The following FAM13B variants were observed in gnomAD, a reference collection of about 807,000 sequenced individuals.
The protein encoded by FAM13B is protein FAM13B.
Under a neutral mutation model 117.3 loss-of-function variants are expected in FAM13B, and 60 were observed. The observed-to-expected ratio is 0.51, with a 90% CI of 0.42 to 0.63. FAM13B has a LOEUF of 0.63. FAM13B is among the 30% of genes least tolerant of loss of function. FAM13B has a pLI of 0.00. For synonymous variants in FAM13B, 332 were observed against 356.1 expected (o/e 0.93, Z 0.76); for missense variants, 972 against 1,091.9 (o/e 0.89, Z 1.55).
intron 10 of FAM13B, among the ~76,000 whole-genome samples, chr5:137,966,906 G>A (rs1434448915): frequency 2.6e-5 from 4 of 152,092 alleles, no homozygotes; most frequent in Non-Finnish European, 4.4e-5. Context: ...AAAAAATTAC[G>A]GTGTTGGGAT....
chr5:137,954,073 C>G, intron 15 of FAM13B, 93 bp downstream of exon 15: 3 of 344,844 alleles, frequency 8.7e-6, no homozygotes, highest in Non-Finnish European at 1.4e-5. Flanking sequence ...GATGGAGTTT[C>G]ACTATTGAAG....
intron 7 of FAM13B, among the ~76,000 whole-genome samples, chr5:138,000,506 T>C (rs1245451058): frequency 6.6e-6 from 1 of 152,196 alleles, no homozygotes; most frequent in Non-Finnish European, 1.5e-5. Flanking sequence ...TGCCCAATAA[T>C]TTTTAAGTGT....
chr5:137,968,219 C>CA (rs61341338), intron 10 of FAM13B, among the ~76,000 whole-genome samples: 98,642 of 121,300 alleles, frequency 0.81, 40,368 homozygotes, highest in East Asian at 0.96. Flanking sequence ...AAGACTGTCT[C>CA]AAAAAAAAAA....
intron 1 of FAM13B, among the ~76,000 whole-genome samples, chr5:138,031,786 G>A (rs1225532829): frequency 6.6e-6 from 1 of 151,944 alleles, no homozygotes; most frequent in African/African-American, 2.4e-5. Flanking sequence ...CACAGTACCT[G>A]TGAGAAAACC....
At chr5:137,976,046 G>A (rs570675919) in intron 10 of FAM13B, among the ~76,000 whole-genome samples, 6 of 136,916 alleles carry the variant, frequency 4.4e-5, no homozygotes, top group Non-Finnish European at 6.0e-5. Flanking sequence ...CGCGATCTCC[G>A]CCTCCCGGGT....
At chr5:138,003,030 T>C (rs1781676753) in intron 7 of FAM13B, among the ~76,000 whole-genome samples, 1 of 152,086 alleles carries the variant, frequency 6.6e-6, no homozygotes, top group Admixed American at 6.6e-5. Flanking sequence ...TTTGCTTATC[T>C]CTCATTAAGC....
At chr5:138,037,988 A>T (rs1233927029), upstream of FAM13B, among the ~76,000 whole-genome samples, 1 of 152,210 alleles carries the variant, frequency 6.6e-6, no homozygotes, top group African/African-American at 2.4e-5. Flanking sequence ...GACTTAAATG[A>T]ATTGGTATGC....
At chr5:138,020,598 T>C (rs921327761) in intron 2 of FAM13B, among the ~76,000 whole-genome samples, 1 of 152,092 alleles carries the variant, frequency 6.6e-6, no homozygotes, top group Non-Finnish European at 1.5e-5. Context: ...AAAAGAGTAT[T>C]TGTAAAAGAA....
intron 1 of FAM13B, among the ~76,000 whole-genome samples, chr5:138,032,251 C>T (rs1431695343): frequency 1.3e-5 from 2 of 152,172 alleles, no homozygotes; most frequent in Non-Finnish European, 2.9e-5. Context: ...TAGACAAGGC[C>T]CCAGTGCACC....
intron 2 of FAM13B, 42 bp from the exon 3 acceptor site, chr5:138,019,188 C>T: frequency 6.4e-7 from 1 of 1,551,430 alleles, no homozygotes; most frequent in Non-Finnish European, 8.7e-7. Context: ...TAATGATTAA[C>T]AGGTGGCAAT....
chr5:137,992,939 A>T (rs1778981062), intron 7 of FAM13B, among the ~76,000 whole-genome samples: 1 of 152,226 alleles, frequency 6.6e-6, no homozygotes, highest in African/African-American at 2.4e-5. Context: ...AAAGTAAAAA[A>T]ATTGAATTGT....
At chr5:138,051,687 C>CA (rs1302445171) in intron 1 of FAM13B, among the ~76,000 whole-genome samples, 3 of 152,190 alleles carry the variant, frequency 2.0e-5, no homozygotes, top group Non-Finnish European at 2.9e-5. Flanking sequence ...CTGGTCCCTA[C>CA]ACTATGTATT....
upstream of FAM13B, among the ~76,000 whole-genome samples, chr5:138,034,995 C>CTTTTTTTTTTTTTT (rs557807234): frequency 0.02 from 694 of 34,368 alleles, 228 homozygotes; most frequent in East Asian, 0.056. Flanking sequence ...ATTCCCTTGC[C>CTTTTTTTTTTTTTT]TTTTTTTTTT....
chr5:138,011,456 T>C (rs1356618684), intron 5 of FAM13B, among the ~76,000 whole-genome samples: 1 of 152,072 alleles, frequency 6.6e-6, no homozygotes, highest in East Asian at 1.9e-4. Flanking sequence ...TCTCGCTCTG[T>C]CACCCAGGCT....
intron 1 of FAM13B, among the ~76,000 whole-genome samples, chr5:138,026,628 CAA>C (rs56195021): frequency 2.0e-4 from 6 of 29,434 alleles, no homozygotes; most frequent in African/African-American, 6.0e-4. Flanking sequence ...GACCGTGTCT[CAA>C]AAAAAAAAAA....
At chr5:138,015,683 A>G (rs937263406) in intron 4 of FAM13B, among the ~76,000 whole-genome samples, 4 of 152,234 alleles carry the variant, frequency 2.6e-5, no homozygotes, top group African/African-American at 9.6e-5. Flanking sequence ...AGCCTGGGTG[A>G]CAGAGCAAGA....
intron 1 of FAM13B, among the ~76,000 whole-genome samples, chr5:138,045,946 A>AG (rs59488988): frequency 8.6e-5 from 1 of 11,614 alleles, no homozygotes; most frequent in Non-Finnish European, 3.0e-4. Context: ...ATTCCATCTC[A>AG]AAAAAAAAAA....
chr5:138,042,555 G>A (rs953137294), intron 1 of FAM13B, among the ~76,000 whole-genome samples: 3 of 150,398 alleles, frequency 2.0e-5, no homozygotes, highest in Non-Finnish European at 4.4e-5. Context: ...TTCTTTAATT[G>A]AAATTAAATA....
intron 1 of FAM13B, among the ~76,000 whole-genome samples, chr5:138,027,942 T>C (rs1026958392): frequency 6.6e-6 from 1 of 152,234 alleles, no homozygotes; most frequent in African/African-American, 2.4e-5. Context: ...CCACTATGAT[T>C]GTAAGTTTCC....
Sources: allele counts gnomAD v4.1 joint callset (sites outside exome capture counted in the v4.1 genomes callset), GRCh38; gene constraint gnomAD v4.1.1; transcripts MANE v1.5; gene names NCBI Gene and HGNC (gene_info 2026-07-23, HGNC 2026-07-21).